Variants in OPCML observed in about 807,000 individuals in gnomAD.
OPCML encodes the protein opioid binding protein/cell adhesion molecule like, also known as opioid-binding protein/cell adhesion molecule.
Under a neutral mutation model 37.8 loss-of-function variants are expected in OPCML, and 13 were observed. The ratio of observed to expected loss-of-function variants is 0.34; its 90% CI spans 0.22 to 0.55. The LOEUF (loss-of-function observed/expected upper bound fraction) is 0.55. Among genes scored for constraint, OPCML ranks in the 20% least tolerant of loss-of-function variants. The pLI, the probability that OPCML is intolerant of heterozygous loss-of-function variation, is 0.91. For synonymous variants in OPCML, 176 were observed against 168.8 expected, an observed-to-expected ratio of 1.04 and a Z score of -0.33; for missense variants, 341 against 435.6, an observed-to-expected ratio of 0.78 and a Z score of 1.93.
chr11:132,705,338 C>T (rs1353349009), intron 2 of OPCML, among the ~76,000 whole-genome samples: 1 of 152,070 alleles, frequency 6.6e-6, no homozygotes, highest in Admixed American at 6.6e-5. Context: ...TGCCTGTCAT[C>T]TGGGCACTTT....
intron 2 of OPCML, among the ~76,000 whole-genome samples, chr11:132,872,906 A>G (rs1942865359): frequency 6.6e-6 from 1 of 151,568 alleles, no homozygotes; most frequent in African/African-American, 2.4e-5. Context: ...TCTCTGTTTC[A>G]AGAAGGCCTT....
At chr11:132,455,467 C>T (rs1283987141) in intron 4 of OPCML, among the ~76,000 whole-genome samples, 5 of 152,156 alleles carry the variant, frequency 3.3e-5, no homozygotes, top group African/African-American at 2.4e-5. Flanking sequence ...TTGAGGTTCC[C>T]GTGGGCAAAG....
intron 2 of OPCML, among the ~76,000 whole-genome samples, chr11:132,781,516 C>G (rs561143875): frequency 1.3e-5 from 2 of 152,040 alleles, no homozygotes; most frequent in East Asian, 3.9e-4. Flanking sequence ...TGGGACTTCT[C>G]AGCCTCCATG....
intron 1 of OPCML, chr11:133,118,328 G>C: frequency 1.0e-6 from 1 of 985,352 alleles, no homozygotes; most frequent in African/African-American, 1.7e-5. Flanking sequence ...AGAGTTCAGG[G>C]CCCAGGCTGG....
At chr11:132,566,938 G>A (rs994768056) in intron 3 of OPCML, among the ~76,000 whole-genome samples, 5 of 121,224 alleles carry the variant, frequency 4.1e-5, no homozygotes, top group Admixed American at 9.8e-5. Flanking sequence ...AAGAGAACAC[G>A]GTGCATACGG....
Position 133,205,404 on chromosome 11 carries a change from G to T in OPCML, c.62-262394C>A, listed in dbSNP as rs1425966367. Among the ~76,000 whole-genome samples, 1 of 152,144 alleles carries T rather than the reference G, an allele frequency of 6.6e-6. No individual in the cohort carries two copies. Among genetic ancestry groups the T allele is most frequent in the African/African-American group, 2.4e-5 (1 of 41,430 alleles). On this transcript the variant is annotated intron_variant, in intron 1 of 7. Coordinates refer to ENST00000524381, the MANE Select transcript of OPCML (RefSeq NM_001012393.5). The surrounding 1 kb of genome is among the most constrained non-coding windows in gnomAD (Gnocchi z 4.8). ...TATGTAAAGTGTTTCCCTGAGTTCT[G>T]TGATCCACTCTAGTAAATGAATTAA...
chr11:133,286,539 C>T (rs1323366033), intron 1 of OPCML, among the ~76,000 whole-genome samples: 1 of 148,864 alleles, frequency 6.7e-6, no homozygotes, highest in Non-Finnish European at 1.5e-5. Flanking sequence ...CCTCAGTGTT[C>T]ATTTGATTTC....
intron 3 of OPCML, among the ~76,000 whole-genome samples, chr11:132,654,395 G>T (rs1941588450): frequency 1.3e-5 from 2 of 152,062 alleles, no homozygotes. Flanking sequence ...TCCTCCCCAA[G>T]AGAAGATCCT....
intron 3 of OPCML, among the ~76,000 whole-genome samples, chr11:132,650,575 TAC>T (rs778030618): frequency 2.4e-4 from 36 of 149,898 alleles, no homozygotes; most frequent in Middle Eastern, 3.4e-3. Flanking sequence ...CCAATTGACA[TAC>T]ACACACACAC....
intron 1 of OPCML, among the ~76,000 whole-genome samples, chr11:133,411,828 A>C (rs1031479620): frequency 1.3e-5 from 2 of 152,160 alleles, no homozygotes; most frequent in Admixed American, 1.3e-4. Context: ...CCTCCACTTC[A>C]TGAGAAAGTT....
At chr11:133,423,511 T>C in intron 1 of OPCML, 1 of 984,824 alleles carries the variant, frequency 1.0e-6, no homozygotes, top group South Asian at 4.7e-5. Context: ...GCTCCCAAAC[T>C]GGAGAAAAGA....
chr11:132,994,065 A>G (rs1946831878), intron 1 of OPCML, among the ~76,000 whole-genome samples: 2 of 152,250 alleles, frequency 1.3e-5, no homozygotes, highest in Admixed American at 1.3e-4. Context: ...TCATCAGGAC[A>G]CCAGCCTTGT....
chr11:132,515,677 C>G (rs1275210405), intron 4 of OPCML, among the ~76,000 whole-genome samples: 2 of 152,176 alleles, frequency 1.3e-5, no homozygotes, highest in African/African-American at 4.8e-5. Context: ...GTTTTCTTCC[C>G]CTTTTCCTCC....
In OPCML at chr11:132,629,463, A is replaced by G. The variant is rs377355006; in HGVS notation, c.379+27624T>C. Reference sequence around the variant, plus strand: ...TTAGCTATGATCGGCTAATTTACATATAATCTTCAGTGAGGTTTTATCTGG... The same window carrying G: ...TTAGCTATGATCGGCTAATTTACATGTAATCTTCAGTGAGGTTTTATCTGG... On this transcript the variant is annotated intron_variant, in intron 3 of 7. Coordinates refer to ENST00000524381, the MANE Select transcript of OPCML (RefSeq NM_001012393.5). Among the ~76,000 whole-genome samples the G allele has an allele frequency of 7.2e-5, 11 of 152,260 alleles. No individual in the cohort carries two copies. The East Asian group carries it at 1.2e-3, about 16-fold the overall frequency.
chr11:133,438,835 T>G (rs1946298421), intron 1 of OPCML, among the ~76,000 whole-genome samples: 1 of 152,152 alleles, frequency 6.6e-6, no homozygotes, highest in Non-Finnish European at 1.5e-5. Context: ...CAGGCCTATG[T>G]AATGAAACCT....
intron 1 of OPCML, chr11:133,118,039 C>G: frequency 1.4e-6 from 1 of 709,608 alleles, no homozygotes; most frequent in Non-Finnish European, 1.7e-6. Flanking sequence ...TGTGAAGTTT[C>G]CCCAGCAGGT....
intron 1 of OPCML, among the ~76,000 whole-genome samples, chr11:133,329,352 C>G (rs1170078724): frequency 6.6e-6 from 1 of 152,110 alleles, no homozygotes; most frequent in Non-Finnish European, 1.5e-5. Context: ...TCATATGGCA[C>G]CAAAAAAGAG....
At position 132,608,021 on chromosome 11, in the gene OPCML, C is replaced by T. The variant is rs78031594; in HGVS notation, c.379+49066G>A. On this transcript the variant is annotated intron_variant, in intron 3 of 7. Coordinates refer to ENST00000524381, the MANE Select transcript of OPCML (RefSeq NM_001012393.5). ...AGAGGAAAATAATTTGAATGTTTCT[C>T]GCATAAAGAAGAGACAAATATTTGA... Among the ~76,000 whole-genome samples the T allele has an allele frequency of 9.6e-3, 1,461 of 152,216 alleles. 12 individuals carry two copies. Among genetic ancestry groups the T allele is most frequent in the African/African-American group, 0.021 (873 of 41,526 alleles).
chr11:133,086,186 T>C lies in OPCML; in HGVS notation c.62-143176A>G, dbSNP rs896331529. 2.0e-5 allele frequency among the ~76,000 whole-genome samples: 3 copies of C among 152,256 alleles called. No homozygotes were observed. In the East Asian group the frequency reaches 5.8e-4, roughly 29 times the overall value. On this transcript the variant is annotated intron_variant, in intron 1 of 7. Coordinates refer to ENST00000524381, the MANE Select transcript of OPCML (RefSeq NM_001012393.5). ...CCATCTGCCTTGCTCTGATGGTTTC[T>C]ATGAACACATTTTCATTTTCTAAAT...
Sources: gnomAD v4.1 joint callset for allele counts (sites outside exome capture counted in the v4.1 genomes callset) on GRCh38, gnomAD v4.1.1 for gene constraint, Gnocchi (gnomAD v3.1) non-coding constraint, MANE v1.5 for transcripts, NCBI Gene and HGNC (gene_info 2026-07-23, HGNC 2026-07-21) for gene names.